Variants in MUC5AC observed in about 807,000 individuals in gnomAD.
The protein encoded by MUC5AC is mucin 5AC, oligomeric mucus/gel-forming, also known as mucin-5AC.
A neutral mutation model predicts 169.7 loss-of-function variants in MUC5AC; 158 were observed. The ratio of observed to expected loss-of-function variants is 0.93; its 90% CI spans 0.82 to 1.06. The LOEUF (loss-of-function observed/expected upper bound fraction) is 1.06. Ranked by LOEUF, MUC5AC falls within the 50% of genes least tolerant of loss-of-function variation. The pLI, the probability that MUC5AC is intolerant of heterozygous loss-of-function variation, is 0.00. For missense variants in MUC5AC, 4,359 were observed against 3,089.9 expected (o/e 1.41, Z -9.74); for synonymous variants, 1,975 against 1,237.0 (o/e 1.60, Z -12.52).
At chr11:1,163,107 G>A in intron 6 of MUC5AC, 62 bp downstream of exon 6, 3 of 1,467,872 alleles carry the variant, frequency 2.0e-6, no homozygotes, top group East Asian at 2.3e-5. Context: ...AGTGTTGTGT[G>A]CACACACACC....
At chr11:1,178,790 G>T in intron 25 of MUC5AC, 107 bp downstream of exon 25, 1 of 549,756 alleles carries the variant, frequency 1.8e-6, no homozygotes. Context: ...TGCCAACCAA[G>T]GGTGTGGGCT....
In MUC5AC at chr11:1,162,967, A is replaced by G; in HGVS notation, c.601A>G (p.Thr201Ala). 2 of 1,612,660 alleles carry G rather than the reference A, an allele frequency of 1.2e-6. No homozygotes were observed. The highest frequency in any genetic ancestry group is 1.7e-6 in the Non-Finnish European group (2 of 1,179,846). The change falls in exon 6 of 49, where the codon ACC (threonine) becomes GCC (alanine). Residue 201 changes from threonine to alanine, a missense_variant. Coordinates refer to ENST00000621226, the MANE Select transcript of MUC5AC (RefSeq NM_001304359.2). ...TCTCCCTTTGCAGCTGGAGCTGGAC[A>G]CCAAATACGCCAACAAGACCTGTGG... ...HDDSLLLELD[T>A]KYANKTCGLC...
At position 1,199,416 on chromosome 11, in the gene MUC5AC, C is replaced by G; in HGVS notation, c.16441C>G (p.Gln5481Glu). Residue 5481 changes from glutamine to glutamate, a missense_variant, in exon 46 of 49, where the codon CAG becomes GAG. Physicochemically the swap from Gln to Glu is conservative, Grantham distance 29. Transcript: ENST00000621226. ...SDAGNHCVTH[Q>E]CEKHQDGLVV... Reference sequence around the variant, plus strand: ...CGCAGGGAACCACTGTGTGACCCACCAGTGTGAGAAGCACCAGGATGGGCT... The same window carrying G: ...CGCAGGGAACCACTGTGTGACCCACGAGTGTGAGAAGCACCAGGATGGGCT... The G allele has an allele frequency of 1.4e-6, 1 of 731,510 alleles. No homozygotes were observed. The highest frequency in any genetic ancestry group is 1.7e-5 in the African/African-American group (1 of 58,350). 45.3% of individuals were successfully genotyped at this position (731,510 alleles called of 1,614,324 possible).
chr11:1,194,105 G>A lies in MUC5AC; in HGVS notation c.14756-5G>A. 1 of 764,268 alleles carries A rather than the reference G, an allele frequency of 1.3e-6. No individual in the cohort carries two copies. Among genetic ancestry groups the A allele is most frequent in the South Asian group, 1.3e-5 (1 of 74,614 alleles). 47.3% of individuals were successfully genotyped at this position (764,268 alleles called of 1,614,324 possible). A position where few individuals can be genotyped will look rare whatever the true frequency, so the allele number is the denominator to read the frequency against. On this transcript the variant is annotated splice_polypyrimidine_tract_variant and splice_region_variant and intron_variant, in intron 33 of 48. Transcript: ENST00000621226. ...ACCCGTAAGGCTGCCCCTGGGGCCTGGCAGGTGTGTGCAGCGGCTGGGGTG... is the reference window on the plus strand; with the variant it reads ...ACCCGTAAGGCTGCCCCTGGGGCCTAGCAGGTGTGTGCAGCGGCTGGGGTG...
chr11:1,161,250 G>C (rs1419410928), intron 2 of MUC5AC, among the ~76,000 whole-genome samples: 1 of 152,176 alleles, frequency 6.6e-6, no homozygotes, highest in Non-Finnish European at 1.5e-5. Context: ...CTCAGGTTCT[G>C]AGGCCCATGG....
At position 1,189,789 on chromosome 11, in the gene MUC5AC, T is replaced by A. The variant is rs1481143717; in HGVS notation, c.11644T>A (p.Phe3882Ile). The change falls in exon 31 of 49, where the codon TTC (phenylalanine) becomes ATC (isoleucine). Residue 3882 changes from phenylalanine (F) to isoleucine (I), a missense_variant. Coordinates refer to ENST00000621226, the MANE Select transcript of MUC5AC (RefSeq NM_001304359.2). ...ISAPTTSTTS[F>I]HTTSTTSPPT... ...TGCCCCTACAACCAGCACAACCTCTTTCCATACAACCAGCACAACCTCTCC... is the reference window on the plus strand; with the variant it reads ...TGCCCCTACAACCAGCACAACCTCTATCCATACAACCAGCACAACCTCTCC... 1.1e-5 allele frequency: 8 copies of A among 704,280 alleles called. No homozygotes were observed. 43.6% of individuals were successfully genotyped at this position (704,280 alleles called of 1,614,324 possible).
At chr11:1,169,974 T>C (rs1249431428) in intron 15 of MUC5AC, among the ~76,000 whole-genome samples, 1 of 112,730 alleles carries the variant, frequency 8.9e-6, no homozygotes, top group Non-Finnish European at 1.8e-5. Context: ...ACTCACCTAC[T>C]CACTCACCCA....
chr11:1,159,377 TGCGGGGCTGG>T (rs1229108091), intron 1 of MUC5AC, among the ~76,000 whole-genome samples: 1 of 136,478 alleles, frequency 7.3e-6, no homozygotes, highest in Non-Finnish European at 1.6e-5. Context: ...TGCGGGGCTG[TGCGGGGCTGG>T]GGTCCAGTCC....
intron 1 of MUC5AC, among the ~76,000 whole-genome samples, chr11:1,159,083 A>G (rs1285985650): frequency 1.3e-5 from 2 of 150,728 alleles, no homozygotes; most frequent in Non-Finnish European, 3.0e-5. Flanking sequence ...CTGGGACTAG[A>G]TAAGTGAGGC....
At chr11:1,198,059 G>C (rs1426578638) in intron 42 of MUC5AC, 55 bp downstream of exon 42, 7 of 637,876 alleles carry the variant, frequency 1.1e-5, no homozygotes, top group Admixed American at 2.3e-5. Context: ...TCTCCACCTG[G>C]GATTTTGGGG....
rs1860112093 is a variant in MUC5AC, at chr11:1,160,595, C to T, written c.74-17C>T. 7.5e-6 allele frequency: 12 copies of T among 1,601,848 alleles called. No homozygotes were observed. The highest frequency in any genetic ancestry group is 1.0e-5 in the Non-Finnish European group (12 of 1,177,334). On this transcript the variant is annotated splice_polypyrimidine_tract_variant and intron_variant, in intron 1 of 48. Transcript: ENST00000621226. ...GCCACCCTGCATCTGGGCTCAGCCC[C>T]CCTCCTCTTTCTGCAGGCCATGCCC...
At chr11:1,195,727 C>T (rs57946216) in intron 36 of MUC5AC, 149 bp from the exon 37 acceptor site, 182,135 of 413,328 alleles carry the variant, frequency 0.44, 37,074 homozygotes, top group East Asian at 0.71. Context: ...GGAAGGAGCC[C>T]GTCCGGGGAT....
At position 1,192,337 on chromosome 11, in the gene MUC5AC, G is replaced by T. The variant is rs760658265; in HGVS notation, c.14192G>T (p.Cys4731Phe). The change falls in exon 31 of 49, where the codon TGC becomes TTC. Residue 4731 changes from cysteine to phenylalanine, a missense_variant. Physicochemically the swap from Cys to Phe is radical, Grantham distance 205 (BLOSUM62 -2). Coordinates refer to ENST00000621226, the MANE Select transcript of MUC5AC (RefSeq NM_001304359.2). ...CTCTGCTGCGAGACCCCCAGAGGCTGCCCGGTGACCTCTGTGACCCCATAT... is the reference window on the plus strand; with the variant it reads ...CTCTGCTGCGAGACCCCCAGAGGCTTCCCGGTGACCTCTGTGACCCCATAT... ...RVLCCETPRG[C>F]PVTSVTPYGT... 2.6e-6 allele frequency: 2 copies of T among 765,128 alleles called. No homozygotes were observed. Among genetic ancestry groups the T allele is most frequent in the Admixed American group, 3.4e-5 (2 of 59,044 alleles). 47.4% of individuals were successfully genotyped at this position (765,128 alleles called of 1,614,324 possible).
At chr11:1,165,864 C>T (rs1241148308) in intron 11 of MUC5AC, 104 bp downstream of exon 11, 4 of 1,520,348 alleles carry the variant, frequency 2.6e-6, no homozygotes, top group Middle Eastern at 4.1e-4. Flanking sequence ...CCCCTGGGGT[C>T]ACCCTTGGGG....
At chr11:1,160,000 GTCC>G (rs1860091272) in intron 1 of MUC5AC, among the ~76,000 whole-genome samples, 2 of 148,184 alleles carry the variant, frequency 1.3e-5, no homozygotes, top group Non-Finnish European at 3.0e-5. Flanking sequence ...CTGGGGTCTG[GTCC>G]CACCATGCTG....
At position 1,160,681 on chromosome 11, in the gene MUC5AC, G is replaced by A. The variant is rs765812807; in HGVS notation, c.143G>A (p.Gly48Glu). ...HHPALSPIAR[G>E]PSGVPLRGAT... is the part of the protein sequence containing the mutation. ...CCTGCCCTCTCTCCTATCGCCCGGG[G>A]GCCCAGCGGTGAGTCTGAGTGTCCG... is the stretch of plus-strand genomic sequence containing the variant. Residue 48 changes from glycine to glutamate, a missense_variant, in exon 2 of 49, where the codon GGG becomes GAG. Physicochemically the swap from Gly to Glu is moderately conservative, Grantham distance 98. Coordinates refer to ENST00000621226, the MANE Select transcript of MUC5AC (RefSeq NM_001304359.2). 6.8e-6 allele frequency: 11 copies of A among 1,609,716 alleles called. No individual in the cohort carries two copies. The South Asian group carries it at 1.1e-4, about 16-fold the overall frequency.
chr11:1,173,966 C>T (rs1165957974), intron 16 of MUC5AC, among the ~76,000 whole-genome samples: 3 of 152,130 alleles, frequency 2.0e-5, no homozygotes, highest in Non-Finnish European at 4.4e-5. Context: ...CACTCATTCA[C>T]TCATTTACTC....
intron 15 of MUC5AC, among the ~76,000 whole-genome samples, chr11:1,171,273 CCCA>C: frequency 6.7e-6 from 1 of 148,746 alleles, no homozygotes; most frequent in African/African-American, 2.5e-5. Context: ...CACTCACTCA[CCCA>C]CTCACTCACC....
intron 32 of MUC5AC, among the ~76,000 whole-genome samples, 172 bp from the exon 33 acceptor site, chr11:1,193,313 C>CT (rs1389157138): frequency 1.4e-4 from 21 of 151,862 alleles, no homozygotes; most frequent in African/African-American, 3.1e-4. Context: ...GGCCCCTGCC[C>CT]GGGCCAGCTC....
Sources: gnomAD v4.1 joint callset for allele counts (sites outside exome capture counted in the v4.1 genomes callset) on GRCh38, gnomAD v4.1.1 for gene constraint, MANE v1.5 for transcripts, NCBI Gene and HGNC (gene_info 2026-07-23, HGNC 2026-07-21) for gene names.